LHFPL3: variants seen among roughly 807,000 people sequenced by gnomAD.
LHFPL3 encodes the protein LHFPL tetraspan subfamily member 3 protein.
LHFPL3 carries 5 observed loss-of-function variants against 19.3 expected under a neutral mutation model. The observed-to-expected ratio is 0.26, with a 90% confidence interval of 0.14 to 0.54. The LOEUF is 0.54. LHFPL3 is among the 20% of genes least tolerant of loss of function. The probability of loss-of-function intolerance (pLI) is 0.94; values close to 1 mark genes in which losing one functional copy is unlikely to be tolerated. For missense variants in LHFPL3, 249 were observed against 307.4 expected, an observed-to-expected ratio of 0.81 and a Z score of 1.42; for synonymous variants, 133 against 126.2, an observed-to-expected ratio of 1.05 and a Z score of -0.36.
chr7:104,565,888 T>A (rs1000440504), intron 1 of LHFPL3, among the ~76,000 whole-genome samples: 1 of 152,072 alleles, frequency 6.6e-6, no homozygotes, highest in Non-Finnish European at 1.5e-5. Flanking sequence ...GGAGTAACCA[T>A]TGTTAAGTGA....
intron 2 of LHFPL3, among the ~76,000 whole-genome samples, chr7:104,776,446 A>AC (rs1794638148): frequency 6.6e-6 from 1 of 151,948 alleles, no homozygotes; most frequent in African/African-American, 2.4e-5. Flanking sequence ...CCAGAATTGC[A>AC]CCCCCCACAG....
At chr7:104,486,888 A>C (rs1348008543) in intron 1 of LHFPL3, among the ~76,000 whole-genome samples, 1 of 151,544 alleles carries the variant, frequency 6.6e-6, no homozygotes, top group African/African-American at 2.4e-5. Flanking sequence ...ATGTCTATGA[A>C]TTTTCCACTT....
At chr7:104,416,547 A>G (rs941035047) in intron 1 of LHFPL3, among the ~76,000 whole-genome samples, 1 of 152,178 alleles carries the variant, frequency 6.6e-6, no homozygotes, top group Non-Finnish European at 1.5e-5. Context: ...GCACATGCCC[A>G]TGTCCTTCCT....
intron 1 of LHFPL3, among the ~76,000 whole-genome samples, chr7:104,352,293 T>C (rs906314689): frequency 9.9e-5 from 15 of 152,150 alleles, no homozygotes; most frequent in African/African-American, 3.4e-4. Context: ...ATAATATATG[T>C]AAATTATTAC....
chr7:104,362,311 CTCAGACCG>C (rs1266997150), intron 1 of LHFPL3, among the ~76,000 whole-genome samples: 1 of 152,136 alleles, frequency 6.6e-6, no homozygotes, highest in Non-Finnish European at 1.5e-5. Context: ...TGGAATAAGC[CTCAGACCG>C]TCCTTCTGAA....
intron 1 of LHFPL3, among the ~76,000 whole-genome samples, chr7:104,338,808 T>C (rs1321536375): frequency 1.3e-5 from 2 of 152,204 alleles, no homozygotes; most frequent in Non-Finnish European, 2.9e-5. Context: ...AAAAATGACA[T>C]GGCCCACCTC....
Position 104,400,506 on chromosome 7 carries a change from G to C in LHFPL3, c.445+71282G>C, listed in dbSNP as rs988956838. Reference sequence around the variant, plus strand: ...TTCTTCTAAAAATTAAAAATAAAAAGTCAAATGTTCTATGTAGACCACACT... The same window carrying C: ...TTCTTCTAAAAATTAAAAATAAAAACTCAAATGTTCTATGTAGACCACACT... On this transcript the variant is annotated intron_variant, in intron 1 of 2. Transcript: ENST00000424859. Among the ~76,000 whole-genome samples, 3 of 152,044 alleles carry C rather than the reference G, an allele frequency of 2.0e-5. No individual in the cohort carries two copies. In the South Asian group the frequency reaches 6.2e-4, roughly 32 times the overall value.
At chr7:104,710,847 G>A (rs1467500023) in intron 1 of LHFPL3, among the ~76,000 whole-genome samples, 1 of 152,154 alleles carries the variant, frequency 6.6e-6, no homozygotes, top group Non-Finnish European at 1.5e-5. Flanking sequence ...CAGTTTCCCT[G>A]ACAATATTTT....
At position 104,827,616 on chromosome 7, in the gene LHFPL3, T is replaced by TG. The variant is rs887270738; in HGVS notation, c.683-78571_683-78570insG. On this transcript the variant is annotated intron_variant, in intron 2 of 2. Transcript: ENST00000424859. Reference sequence around the variant, plus strand: ...CTCAAATATCTGTTTTGTTTTGTTTTTTTTTTTGATTGATAGTATCTTGTC... The same window carrying TG: ...CTCAAATATCTGTTTTGTTTTGTTTTGTTTTTTTGATTGATAGTATCTTGTC... Among the ~76,000 whole-genome samples, 85 of 151,900 alleles carry TG rather than the reference T, an allele frequency of 5.6e-4. 2 individuals are homozygous for TG. The highest frequency in any genetic ancestry group is 2.0e-3 in the African/African-American group (84 of 41,256).
chr7:104,420,394 G>T (rs937581907), intron 1 of LHFPL3, among the ~76,000 whole-genome samples: 1 of 152,108 alleles, frequency 6.6e-6, no homozygotes. Flanking sequence ...CAGGGAAACC[G>T]GTGGTAACAA....
intron 1 of LHFPL3, among the ~76,000 whole-genome samples, chr7:104,634,151 A>T (rs776148351): frequency 6.6e-6 from 1 of 152,212 alleles, no homozygotes; most frequent in Non-Finnish European, 1.5e-5. Flanking sequence ...GCTAACAAAC[A>T]TTTATTCATA....
At chr7:104,804,300 G>C (rs1194445503) in intron 2 of LHFPL3, among the ~76,000 whole-genome samples, 1 of 152,170 alleles carries the variant, frequency 6.6e-6, no homozygotes, top group African/African-American at 2.4e-5. Flanking sequence ...TTGTTGAAAT[G>C]GTGGAGGGGG....
chr7:104,382,806 T>C (rs1034695170), intron 1 of LHFPL3, among the ~76,000 whole-genome samples: 6 of 152,210 alleles, frequency 3.9e-5, no homozygotes, highest in Non-Finnish European at 8.8e-5. Flanking sequence ...AGCCAAATGG[T>C]CTTGATTACC....
chr7:104,812,097 G>T (rs1790480134), intron 2 of LHFPL3, among the ~76,000 whole-genome samples: 1 of 152,200 alleles, frequency 6.6e-6, no homozygotes, highest in African/African-American at 2.4e-5. Context: ...GACACCATGA[G>T]CCTTTCTGTT....
intron 2 of LHFPL3, among the ~76,000 whole-genome samples, chr7:104,844,968 G>A (rs1451499428): frequency 6.6e-6 from 1 of 152,220 alleles, no homozygotes; most frequent in Non-Finnish European, 1.5e-5. Context: ...TCGAACTCCT[G>A]ACCTCAAGTG....
intron 1 of LHFPL3, among the ~76,000 whole-genome samples, chr7:104,502,521 T>C: frequency 6.6e-6 from 1 of 152,198 alleles, no homozygotes; most frequent in Non-Finnish European, 1.5e-5. Flanking sequence ...GGACTGTGAC[T>C]ACATGAATTC....
At chr7:104,811,182 TTTCTTTTCTTTTC>T (rs1790462778) in intron 2 of LHFPL3, among the ~76,000 whole-genome samples, 3 of 148,374 alleles carry the variant, frequency 2.0e-5, no homozygotes, top group Admixed American at 6.7e-5. Flanking sequence ...TTTCTTTTCT[TTTCTTTTCTTTTC>T]TTTTCTTTTC....
At chr7:104,678,181 T>C (rs1247698579) in intron 1 of LHFPL3, among the ~76,000 whole-genome samples, 1 of 152,222 alleles carries the variant, frequency 6.6e-6, no homozygotes, top group African/African-American at 2.4e-5. Flanking sequence ...TCTCATTTCA[T>C]AGTGTAGGGT....
intron 2 of LHFPL3, among the ~76,000 whole-genome samples, chr7:104,852,625 A>G (rs1178644083): frequency 2.6e-5 from 4 of 152,258 alleles, no homozygotes; most frequent in Admixed American, 2.6e-4. Context: ...TTGCTCCTAC[A>G]CAAGGGCCAC....
Sources: allele counts gnomAD v4.1 joint callset (sites outside exome capture counted in the v4.1 genomes callset), GRCh38; gene constraint gnomAD v4.1.1; transcripts MANE v1.5; gene names NCBI Gene and HGNC (gene_info 2026-07-23, HGNC 2026-07-21).